PKIA: variants seen among roughly 807,000 people sequenced by gnomAD.
PKIA encodes the protein cAMP-dependent protein kinase inhibitor alpha, also known as PKI-alpha.
Under a neutral mutation model 7.6 loss-of-function variants are expected in PKIA, and 4 were observed. The ratio of observed to expected loss-of-function variants is 0.52; its 90% confidence interval spans 0.26 to 1.20. The LOEUF (loss-of-function observed/expected upper bound fraction) is 1.20, where lower values mean the gene tolerates loss of function less well. Ranked by LOEUF, PKIA falls within the 50% of genes most tolerant of loss-of-function variation. The pLI is 0.13. For missense variants in PKIA, 73 were observed against 86.2 expected (o/e 0.85, Z 0.61); for synonymous variants, 21 against 30.7 (o/e 0.68, Z 1.04).
intron 1 of PKIA, among the ~76,000 whole-genome samples, chr8:78,554,257 G>T (rs532517070): frequency 6.6e-5 from 10 of 152,108 alleles, no homozygotes; most frequent in African/African-American, 2.4e-4. Flanking sequence ...CCAGGCCAGG[G>T]TTTTCACTAT....
At chr8:78,578,720 C>T (rs1345386364) in intron 2 of PKIA, among the ~76,000 whole-genome samples, 5 of 151,900 alleles carry the variant, frequency 3.3e-5, no homozygotes, top group African/African-American at 9.7e-5. Flanking sequence ...TTCTGGTCTC[C>T]TTTGTGATGC....
At chr8:78,571,187 GT>G (rs1337604655) in intron 1 of PKIA, among the ~76,000 whole-genome samples, 6 of 150,442 alleles carry the variant, frequency 4.0e-5, no homozygotes, top group South Asian at 2.1e-4. Context: ...AAGATACAAA[GT>G]TTTCCAGGAG....
At chr8:78,536,390 T>C (rs1431239835) in intron 1 of PKIA, among the ~76,000 whole-genome samples, 2 of 151,840 alleles carry the variant, frequency 1.3e-5, no homozygotes, top group African/African-American at 4.8e-5. Context: ...GCTATGAAAA[T>C]AAAGGAAAAC....
At chr8:78,528,606 T>G (rs1172748086) in intron 1 of PKIA, among the ~76,000 whole-genome samples, 2 of 150,876 alleles carry the variant, frequency 1.3e-5, no homozygotes, top group African/African-American at 4.9e-5. Context: ...AGGAGGGTCA[T>G]TAAGGCCACA....
intron 2 of PKIA, among the ~76,000 whole-genome samples, chr8:78,595,234 A>G (rs899181562): frequency 5.3e-5 from 8 of 152,228 alleles, no homozygotes; most frequent in African/African-American, 1.9e-4. Context: ...TACATAAAGT[A>G]GTGGGTAACT....
At chr8:78,587,229 C>G (rs1201593131) in intron 2 of PKIA, among the ~76,000 whole-genome samples, 3 of 152,134 alleles carry the variant, frequency 2.0e-5, no homozygotes, top group Admixed American at 6.6e-5. Flanking sequence ...TTAAAAGTAT[C>G]TTTCTTCCTT....
At chr8:78,536,451 G>T (rs1806525054) in intron 1 of PKIA, among the ~76,000 whole-genome samples, 2 of 151,996 alleles carry the variant, frequency 1.3e-5, no homozygotes, top group African/African-American at 4.8e-5. Context: ...AAATTTCTTT[G>T]AAAGAAAAAG....
intron 1 of PKIA, among the ~76,000 whole-genome samples, chr8:78,558,922 T>G (rs559236898): frequency 5.3e-5 from 8 of 152,270 alleles, no homozygotes; most frequent in Admixed American, 1.3e-4. Flanking sequence ...TGGGTTTGTT[T>G]GTTTGTTTGT....
At chr8:78,564,470 G>A (rs1219054527) in intron 1 of PKIA, among the ~76,000 whole-genome samples, 1 of 151,912 alleles carries the variant, frequency 6.6e-6, no homozygotes, top group Admixed American at 6.6e-5. Flanking sequence ...TGGAACATGA[G>A]GGTCCAGTTG....
At chr8:78,554,254 A>G (rs1452198230) in intron 1 of PKIA, among the ~76,000 whole-genome samples, 1 of 152,014 alleles carries the variant, frequency 6.6e-6, no homozygotes, top group Non-Finnish European at 1.5e-5. Context: ...ACGCCAGGCC[A>G]GGGTTTTCAC....
rs529360388 is a variant in PKIA at position 78,532,181 on chromosome 8, G to A, written c.-157+15713G>A. Among the ~76,000 whole-genome samples, 13 of 152,004 alleles carry A rather than the reference G, an allele frequency of 8.6e-5. 1 individual carries two copies. Among genetic ancestry groups the A allele is most frequent in the African/African-American group, 2.4e-4 (10 of 41,488 alleles). ...TTTTCCAATTTGAGTAATTTTCACA[G>A]CAATAATTCTACCTTTTCTTAAAAT... On this transcript the variant is annotated intron_variant, in intron 1 of 3. Transcript: ENST00000396418.
chr8:78,580,297 G>A (rs1303728793), intron 2 of PKIA, among the ~76,000 whole-genome samples: 2 of 151,988 alleles, frequency 1.3e-5, no homozygotes, highest in Non-Finnish European at 2.9e-5. Flanking sequence ...AGCTGATACT[G>A]CATATTGTCT....
chr8:78,598,610 GA>G, intron 3 of PKIA, 75 bp downstream of exon 3: 2 of 1,161,038 alleles, frequency 1.7e-6, no homozygotes, highest in Admixed American at 2.0e-5. Context: ...ATTAAGGCAC[GA>G]AAAGCCATCT....
rs1338470294 is a variant in PKIA at position 78,560,533 on chromosome 8, A to C, written c.-156-12278A>C. On this transcript the variant is annotated intron_variant, in intron 1 of 3. Coordinates refer to ENST00000396418, the MANE Select transcript of PKIA (RefSeq NM_006823.4). ...GTAATGATTTACCTTACATTAAAAT[A>C]TCTTAAACATATGAACATTAATAAC... 3.3e-5 allele frequency among the ~76,000 whole-genome samples: 5 copies of C among 152,236 alleles called. No individual in the cohort carries two copies. The East Asian group carries it at 9.6e-4, about 29-fold the overall frequency.
chr8:78,598,592 TA>T, intron 3 of PKIA, 57 bp downstream of exon 3: 1 of 1,374,236 alleles, frequency 7.3e-7, no homozygotes, highest in East Asian at 2.3e-5. Flanking sequence ...GGCATTTTAC[TA>T]AGAGGGATTA....
chr8:78,600,209 A>G (rs183580031), intron 3 of PKIA, among the ~76,000 whole-genome samples: 68 of 152,148 alleles, frequency 4.5e-4, no homozygotes, highest in Admixed American at 1.6e-3. Flanking sequence ...AAAAACTAAT[A>G]ACTGTATAAT....
At chr8:78,578,236 T>A (rs1340898152) in intron 2 of PKIA, among the ~76,000 whole-genome samples, 1 of 152,056 alleles carries the variant, frequency 6.6e-6, no homozygotes, top group Non-Finnish European at 1.5e-5. Flanking sequence ...AAAATTGTTA[T>A]GATCGTTTAT....
intron 2 of PKIA, among the ~76,000 whole-genome samples, chr8:78,576,424 T>C (rs1807674780): frequency 6.6e-6 from 1 of 152,036 alleles, no homozygotes; most frequent in African/African-American, 2.4e-5. Context: ...TACCTGTTAA[T>C]AAGAGTCGAT....
chr8:78,552,773 C>T (rs1301168795), intron 1 of PKIA, among the ~76,000 whole-genome samples: 1 of 151,846 alleles, frequency 6.6e-6, no homozygotes, highest in Non-Finnish European at 1.5e-5. Context: ...AAGTGTCTTT[C>T]CATAGAATAA....
Sources: allele counts gnomAD v4.1 joint callset (sites outside exome capture counted in the v4.1 genomes callset), GRCh38; gene constraint gnomAD v4.1.1; transcripts MANE v1.5; gene names NCBI Gene and HGNC (gene_info 2026-07-23, HGNC 2026-07-21).